Variants in SMYD2 observed in about 807,000 individuals in gnomAD.
SMYD2 encodes the protein N-lysine methyltransferase SMYD2.
SMYD2 carries 53 observed loss-of-function variants against 59.1 expected under a neutral mutation model. The ratio of observed to expected loss-of-function variants is 0.90; its 90% CI spans 0.72 to 1.13. The LOEUF is 1.13. Ranked by LOEUF, SMYD2 falls within the 50% of genes most tolerant of loss-of-function variation. SMYD2 has a pLI of 0.00. For synonymous variants in SMYD2, 208 were observed against 198.8 expected (o/e 1.05, Z -0.39); for missense variants, 494 against 544.7 (o/e 0.91, Z 0.93).
At chr1:214,301,377 T>C (rs1263229406) in intron 1 of SMYD2, among the ~76,000 whole-genome samples, 1 of 152,202 alleles carries the variant, frequency 6.6e-6, no homozygotes, top group East Asian at 1.9e-4. Context: ...ATGTACTCAA[T>C]GACATAAAAT....
intron 7 of SMYD2, among the ~76,000 whole-genome samples, chr1:214,329,055 C>G (rs1657308553): frequency 6.6e-6 from 1 of 152,184 alleles, no homozygotes; most frequent in Admixed American, 6.5e-5. Flanking sequence ...TCAGTCATTA[C>G]AGAGATTGTT....
intron 5 of SMYD2, 57 bp from the exon 6 acceptor site, chr1:214,324,584 C>T: frequency 6.9e-7 from 1 of 1,443,432 alleles, no homozygotes; most frequent in South Asian, 1.2e-5. Flanking sequence ...AAAATGATCT[C>T]TACCCAGAAA....
At chr1:214,323,471 G>A (rs968704318) in intron 5 of SMYD2, among the ~76,000 whole-genome samples, 14 of 151,926 alleles carry the variant, frequency 9.2e-5, no homozygotes, top group African/African-American at 1.5e-4. Context: ...TCACACTGTC[G>A]TCCAGGCTGG....
chr1:214,291,504 C>G (rs1191178855), intron 1 of SMYD2, among the ~76,000 whole-genome samples: 1 of 152,166 alleles, frequency 6.6e-6, no homozygotes, highest in South Asian at 2.1e-4. Context: ...TAGCTCATAC[C>G]CTTTTGTCCA....
chr1:214,302,219 A>G (rs537921833), intron 1 of SMYD2, among the ~76,000 whole-genome samples: 1 of 152,128 alleles, frequency 6.6e-6, no homozygotes, highest in African/African-American at 2.4e-5. Context: ...CATGCGTGTC[A>G]TCCCAGCTAC....
chr1:214,335,895 TTAAG>T (rs1336842023), intron 11 of SMYD2, among the ~76,000 whole-genome samples: 1 of 152,232 alleles, frequency 6.6e-6, no homozygotes, highest in Non-Finnish European at 1.5e-5. Context: ...TACCTTTCTT[TTAAG>T]TTTTTAGAAT....
intron 1 of SMYD2, among the ~76,000 whole-genome samples, chr1:214,290,763 T>C (rs145234290): frequency 9.2e-5 from 14 of 152,292 alleles, no homozygotes; most frequent in Non-Finnish European, 1.8e-4. Flanking sequence ...AATAAAAAGC[T>C]CAAGGATTTT....
intron 2 of SMYD2, among the ~76,000 whole-genome samples, chr1:214,307,100 G>T (rs961806358): frequency 2.0e-5 from 3 of 152,240 alleles, no homozygotes; most frequent in Non-Finnish European, 4.4e-5. Flanking sequence ...TTGAACCTGG[G>T]AGGCGGAGGT....
At chr1:214,324,070 G>T (rs766223791) in intron 5 of SMYD2, among the ~76,000 whole-genome samples, 1 of 152,166 alleles carries the variant, frequency 6.6e-6, no homozygotes, top group Non-Finnish European at 1.5e-5. Flanking sequence ...TGGGATTACA[G>T]GCATGCGCCA....
At chr1:214,329,734 T>C (rs1317831016) in intron 7 of SMYD2, among the ~76,000 whole-genome samples, 2 of 152,254 alleles carry the variant, frequency 1.3e-5, no homozygotes, top group African/African-American at 2.4e-5. Context: ...ATGTGTGTGG[T>C]GTGTGCGTGC....
At chr1:214,336,663 T>G (rs776429383) in intron 11 of SMYD2, 41 bp from the exon 12 acceptor site, 8 of 1,594,282 alleles carry the variant, frequency 5.0e-6, no homozygotes, top group Non-Finnish European at 6.9e-6. Flanking sequence ...TGTGAGGAGA[T>G]TGGCTTCTAG....
chr1:214,334,366 C>A, intron 11 of SMYD2, 58 bp downstream of exon 11: 3 of 1,438,992 alleles, frequency 2.1e-6, no homozygotes, highest in African/African-American at 1.4e-5. Context: ...CTTAGCGCAC[C>A]TCCTTCATGC....
chr1:214,334,239 G>A lies in SMYD2; in HGVS notation c.1152G>A (p.Met384Ile), dbSNP rs373951400. 1 of 1,614,090 alleles carries A rather than the reference G, an allele frequency of 6.2e-7. No homozygotes were observed. ...TGTACTCCCTCAACGTGGCCTCCAT[G>A]TGGTTGAAGCTAGGGAGACTCTACA... ...YPLYSLNVASMWLKLGRLYMG... is the reference protein window; with the variant it reads ...YPLYSLNVASIWLKLGRLYMG... The change falls in exon 11 of 12, where the codon ATG (methionine) becomes ATA (isoleucine). Residue 384 changes from methionine to isoleucine, a missense_variant. By Grantham distance (10) the Met-to-Ile change is conservative. Transcript: ENST00000366957.
chr1:214,310,503 ATTT>A (rs10699247), intron 2 of SMYD2, among the ~76,000 whole-genome samples: 4 of 136,414 alleles, frequency 2.9e-5, no homozygotes, highest in Non-Finnish European at 3.1e-5. Flanking sequence ...TATTTTATTA[ATTT>A]TTTTTTTTTT....
intron 1 of SMYD2, among the ~76,000 whole-genome samples, chr1:214,294,222 A>G (rs1054708919): frequency 2.6e-5 from 4 of 152,246 alleles, no homozygotes; most frequent in African/African-American, 9.6e-5. Flanking sequence ...GTATCCGATC[A>G]GTTTAAGTTT....
intron 1 of SMYD2, among the ~76,000 whole-genome samples, chr1:214,284,765 C>T (rs1571916932): frequency 6.6e-6 from 1 of 152,160 alleles, no homozygotes; most frequent in East Asian, 1.9e-4. Flanking sequence ...ATCCACCCAC[C>T]TCAGCCTCTC....
rs74226180 is a variant in SMYD2, at chr1:214,323,429, A to G, written c.535-1212A>G. On this transcript the variant is annotated intron_variant, in intron 5 of 11. Coordinates refer to ENST00000366957, the MANE Select transcript of SMYD2 (RefSeq NM_020197.3). ...TGAAAGTTGCCCTTGGTATTTTTCT[A>G]TGCAACATTTCTTTTTTTTTGAGAT... Among the ~76,000 whole-genome samples the G allele has an allele frequency of 1.8e-3, 271 of 152,170 alleles. 3 individuals are homozygous for G. The highest frequency in any genetic ancestry group is 0.017 in the East Asian group (86 of 5,164).
chr1:214,295,481 G>C (rs1165620992), intron 1 of SMYD2, among the ~76,000 whole-genome samples: 1 of 152,080 alleles, frequency 6.6e-6, no homozygotes, highest in Non-Finnish European at 1.5e-5. Flanking sequence ...TTATAACTAG[G>C]TCAGCCATTA....
chr1:214,308,135 C>A (rs541637211), intron 2 of SMYD2, among the ~76,000 whole-genome samples: 3 of 152,352 alleles, frequency 2.0e-5, no homozygotes, highest in African/African-American at 7.2e-5. Flanking sequence ...TTCTGCTTTC[C>A]TGTGCTTCTG....
Sources: gnomAD v4.1 joint callset for allele counts (sites outside exome capture counted in the v4.1 genomes callset) on GRCh38, gnomAD v4.1.1 for gene constraint, MANE v1.5 for transcripts, NCBI Gene and HGNC (gene_info 2026-07-23, HGNC 2026-07-21) for gene names.